The following RYR2 variants were observed in gnomAD, a reference collection of about 807,000 sequenced individuals.
RYR2 encodes cardiac muscle ryanodine receptor-calcium release channel.
In RYR2, 227 loss-of-function variants were observed where a neutral mutation model predicts 601.1. The observed-to-expected ratio is 0.38, with a 90% CI of 0.34 to 0.42. The LOEUF is 0.42. RYR2 is among the 10% of genes least tolerant of loss of function. RYR2 has a pLI of 1.00. For synonymous variants in RYR2, 2,223 were observed against 2,175.1 expected (o/e 1.02, Z -0.61); for missense variants, 4,646 against 6,156.5 (o/e 0.75, Z 8.21).
At chr1:237,388,568 C>T (rs573563214) in intron 10 of RYR2, among the ~76,000 whole-genome samples, 3 of 152,228 alleles carry the variant, frequency 2.0e-5, no homozygotes, top group Non-Finnish European at 2.9e-5. Flanking sequence ...TCTCAAATTG[C>T]GTACAATTTT....
chr1:237,251,824 T>G (rs919140621), intron 1 of RYR2, among the ~76,000 whole-genome samples: 4 of 152,182 alleles, frequency 2.6e-5, no homozygotes, highest in Non-Finnish European at 5.9e-5. Flanking sequence ...TCTCCTCCCC[T>G]ATCACTAACT....
At chr1:237,212,481 G>T (rs1008678876) in intron 1 of RYR2, among the ~76,000 whole-genome samples, 3 of 151,974 alleles carry the variant, frequency 2.0e-5, no homozygotes, top group East Asian at 1.9e-4. Context: ...TACTGGGCTT[G>T]GTGGCTCCAG....
chr1:237,446,222 A>G (rs1372701746), intron 14 of RYR2, among the ~76,000 whole-genome samples: 2 of 152,166 alleles, frequency 1.3e-5, no homozygotes, highest in South Asian at 2.1e-4. Context: ...TAATAATTGC[A>G]TATCTATAGA....
chr1:237,704,076 T>C (rs1688173062), intron 66 of RYR2, among the ~76,000 whole-genome samples: 1 of 152,116 alleles, frequency 6.6e-6, no homozygotes, highest in African/African-American at 2.4e-5. Context: ...AGAAGGCGAC[T>C]TTTGAAGCTT....
intron 31 of RYR2, among the ~76,000 whole-genome samples, chr1:237,591,361 A>C (rs765985549): frequency 1.3e-5 from 2 of 152,114 alleles, no homozygotes; most frequent in Non-Finnish European, 2.9e-5. Context: ...TTCTTGCCTG[A>C]AACTTGCAGA....
chr1:237,175,988 T>C (rs568389507), intron 1 of RYR2, among the ~76,000 whole-genome samples: 7 of 152,104 alleles, frequency 4.6e-5, no homozygotes, highest in Non-Finnish European at 7.4e-5. Flanking sequence ...TCCCAGCACA[T>C]TGGGAGGCAG....
chr1:237,402,921 TC>T (rs1281123533), intron 10 of RYR2, among the ~76,000 whole-genome samples: 3 of 139,412 alleles, frequency 2.2e-5, no homozygotes, highest in African/African-American at 7.8e-5. Flanking sequence ...CCACCCTCCT[TC>T]CCCCCAAAAA....
At chr1:237,264,564 T>G (rs1385222832) in intron 1 of RYR2, among the ~76,000 whole-genome samples, 1 of 152,204 alleles carries the variant, frequency 6.6e-6, no homozygotes, top group Non-Finnish European at 1.5e-5. Flanking sequence ...TTACAAATTT[T>G]GGGCATTGTT....
intron 29 of RYR2, among the ~76,000 whole-genome samples, chr1:237,577,416 TGAG>T (rs974460786): frequency 9.2e-5 from 14 of 152,038 alleles, no homozygotes; most frequent in African/African-American, 3.1e-4. Context: ...GATCTTGAAA[TGAG>T]GAGATTAATT....
At chr1:237,761,402 C>G (rs1373197278) in intron 84 of RYR2, among the ~76,000 whole-genome samples, 1 of 152,158 alleles carries the variant, frequency 6.6e-6, no homozygotes, top group Admixed American at 6.6e-5. Context: ...AAGTCGGGCT[C>G]TCAGATTCTT....
chr1:237,709,649 G>A, intron 70 of RYR2, 82 bp downstream of exon 70: 3 of 769,938 alleles, frequency 3.9e-6, no homozygotes, highest in Non-Finnish European at 6.4e-6. Context: ...TGTAACAGTT[G>A]AGGAGAGAGA....
chr1:237,329,341 T>C (rs1696482096), intron 2 of RYR2, among the ~76,000 whole-genome samples: 1 of 151,994 alleles, frequency 6.6e-6, no homozygotes, highest in East Asian at 1.9e-4. Context: ...TGCCTTTTTT[T>C]ATATTTAAAA....
At chr1:237,265,086 G>C (rs1263315131) in intron 1 of RYR2, among the ~76,000 whole-genome samples, 1 of 152,104 alleles carries the variant, frequency 6.6e-6, no homozygotes, top group East Asian at 1.9e-4. Flanking sequence ...CAATGTTATG[G>C]GAGCACAAAA....
rs746383173 is a variant in RYR2 at position 237,550,551 on chromosome 1, A to G, written c.3074A>G (p.Lys1025Arg). 1 of 1,609,352 alleles carries G rather than the reference A, an allele frequency of 6.2e-7. No individual in the cohort carries two copies. The highest frequency in any genetic ancestry group is 8.5e-7 in the Non-Finnish European group (1 of 1,177,888). The part of the protein sequence containing the change: ...GWTYGIQQDV[K>R]NRRNPRLVPY... The stretch of plus-strand genomic sequence containing the variant: ...CCCTGTGTTTTCCTGCAGGACGTAA[A>G]GAACAGAAGAAATCCTCGCCTTGTT... The change falls in exon 27 of 105, where the codon AAG (lysine) becomes AGG (arginine). Residue 1025 changes from lysine to arginine, a missense_variant. Physicochemically the swap from Lys to Arg is conservative, Grantham distance 26. Transcript: ENST00000366574.
chr1:237,478,776 G>T (rs1236397520), intron 17 of RYR2, among the ~76,000 whole-genome samples: 2 of 135,022 alleles, frequency 1.5e-5, no homozygotes, highest in African/African-American at 3.1e-5. Flanking sequence ...AGCCACCGAG[G>T]CAGGCCTTAA....
chr1:237,351,540 A>G (rs1015136163), intron 3 of RYR2, among the ~76,000 whole-genome samples: 4 of 152,048 alleles, frequency 2.6e-5, no homozygotes, highest in Non-Finnish European at 5.9e-5. Context: ...TGAAAAGATA[A>G]TAAGAGAATA....
At chr1:237,611,066 G>A (rs1456157688) in intron 36 of RYR2, 78 bp downstream of exon 36, 2 of 1,241,990 alleles carry the variant, frequency 1.6e-6, no homozygotes, top group Non-Finnish European at 2.3e-6. Flanking sequence ...CGGTAGTGGT[G>A]CGGGGCAGGG....
At chr1:237,535,631 A>C (rs1196637747) in intron 25 of RYR2, among the ~76,000 whole-genome samples, 1 of 152,130 alleles carries the variant, frequency 6.6e-6, no homozygotes, top group East Asian at 1.9e-4. Flanking sequence ...AGCCCAGATC[A>C]AGACAGTATG....
At chr1:237,632,706 T>A (rs1018350332) in intron 42 of RYR2, among the ~76,000 whole-genome samples, 1 of 152,060 alleles carries the variant, frequency 6.6e-6, no homozygotes, top group East Asian at 1.9e-4. Flanking sequence ...TAAAGTGAAC[T>A]TTTAAGTGAC....
Sources: allele counts gnomAD v4.1 joint callset (sites outside exome capture counted in the v4.1 genomes callset), GRCh38; gene constraint gnomAD v4.1.1; transcripts MANE v1.5; gene names NCBI Gene and HGNC (gene_info 2026-07-23, HGNC 2026-07-21).